EML1: variants seen among roughly 807,000 people sequenced by gnomAD.
EML1 encodes the protein EMAP like 1, also known as echinoderm microtubule-associated protein-like 1.
A neutral mutation model predicts 110.4 loss-of-function variants in EML1; 27 were observed. The ratio of observed to expected loss-of-function variants is 0.24; its 90% CI spans 0.18 to 0.34. The LOEUF (loss-of-function observed/expected upper bound fraction) is 0.34, where lower values mean the gene tolerates loss of function less well. EML1 is among the 10% of genes least tolerant of loss of function. The pLI, the probability that EML1 is intolerant of heterozygous loss-of-function variation, is 1.00. For missense variants in EML1, 741 were observed against 1,030.9 expected, an observed-to-expected ratio of 0.72 and a Z score of 3.85; for synonymous variants, 344 against 385.8, an observed-to-expected ratio of 0.89 and a Z score of 1.27.
At chr14:99,887,240 C>G (rs932824144) in intron 4 of EML1, among the ~76,000 whole-genome samples, 1 of 152,214 alleles carries the variant, frequency 6.6e-6, no homozygotes, top group South Asian at 2.1e-4. Context: ...CCATTCAGCT[C>G]AAGGGAGCAT....
intron 17 of EML1, among the ~76,000 whole-genome samples, chr14:99,924,664 T>C (rs547514657): frequency 3.9e-5 from 6 of 152,200 alleles, no homozygotes; most frequent in Admixed American, 6.5e-5. Context: ...CACTACATTT[T>C]ATTAAGTTTC....
chr14:99,831,849 T>TTTCGGA (rs2058461146), intron 1 of EML1, among the ~76,000 whole-genome samples: 1 of 115,290 alleles, frequency 8.7e-6, no homozygotes, highest in African/African-American at 4.1e-5. Context: ...AATGATGGGA[T>TTTCGGA]TTTTTTTTTT....
At chr14:99,895,746 C>T (rs963107246) in intron 6 of EML1, among the ~76,000 whole-genome samples, 14 of 127,456 alleles carry the variant, frequency 1.1e-4, no homozygotes, top group South Asian at 5.8e-4. Flanking sequence ...TGACATATCA[C>T]GTAGATATCA....
Position 99,878,524 on chromosome 14 carries a change from T to C in EML1, c.423T>C (p.Pro141=), listed in dbSNP as rs1352313212. Residue 141 remains proline (P), a synonymous_variant, in exon 4 of 22, where the codon CCT becomes CCC. Coordinates refer to ENST00000262233, the MANE Select transcript of EML1 (RefSeq NM_004434.3). The part of the protein sequence containing the change: ...KRTSSSERVS[P]GGRRESNGDS... ...CCAGCTCTTCTGAACGAGTGTCTCCTGGGGGTCGAAGGGAAAGCAATGGGG... is the reference window on the plus strand; with the variant it reads ...CCAGCTCTTCTGAACGAGTGTCTCCCGGGGGTCGAAGGGAAAGCAATGGGG... 5 of 1,613,950 alleles carry C rather than the reference T, an allele frequency of 3.1e-6. No homozygotes were observed. The South Asian group carries it at 3.3e-5, about 11-fold the overall frequency.
At chr14:99,847,930 GT>G (rs1352007478) in intron 1 of EML1, among the ~76,000 whole-genome samples, 8 of 151,468 alleles carry the variant, frequency 5.3e-5, no homozygotes, top group Non-Finnish European at 1.2e-4. Flanking sequence ...ATATAGTTGG[GT>G]TTTGCTTTTT....
intron 2 of EML1, among the ~76,000 whole-genome samples, chr14:99,858,340 A>G (rs776836860): frequency 2.0e-5 from 3 of 151,846 alleles, no homozygotes; most frequent in Non-Finnish European, 4.4e-5. Context: ...ATGCACCTCC[A>G]CGCCCAGCTA....
chr14:99,748,308 G>A (rs536182709), intron 1 of EML1, among the ~76,000 whole-genome samples: 39 of 152,334 alleles, frequency 2.6e-4, no homozygotes, highest in South Asian at 1.9e-3. Flanking sequence ...GCGGGAATAT[G>A]TGGGGTGAGT....
At chr14:99,889,786 T>C (rs956364444) in intron 4 of EML1, among the ~76,000 whole-genome samples, 1 of 152,232 alleles carries the variant, frequency 6.6e-6, no homozygotes, top group African/African-American at 2.4e-5. Flanking sequence ...TGTAGGCCAA[T>C]GTAAGACCCA....
intron 17 of EML1, among the ~76,000 whole-genome samples, chr14:99,928,560 G>A (rs955055256): frequency 6.6e-6 from 1 of 152,110 alleles, no homozygotes; most frequent in Non-Finnish European, 1.5e-5. Flanking sequence ...TGATTATGTT[G>A]TGGGAAATAC....
chr14:99,887,013 G>A (rs886605109), intron 4 of EML1, among the ~76,000 whole-genome samples: 4 of 152,218 alleles, frequency 2.6e-5, no homozygotes, highest in African/African-American at 2.4e-5. Context: ...GGTGTTGACC[G>A]CACTGGTGTC....
rs547832670 is a variant in EML1 at position 99,854,106 on chromosome 14, C to G, written c.250+3071C>G. 1.1e-4 allele frequency among the ~76,000 whole-genome samples: 16 copies of G among 152,310 alleles called. No individual in the cohort carries two copies. In the East Asian group the frequency reaches 3.1e-3, roughly 29 times the overall value. On this transcript the variant is annotated intron_variant, in intron 2 of 21. Coordinates refer to ENST00000262233, the MANE Select transcript of EML1 (RefSeq NM_004434.3). The stretch of plus-strand genomic sequence containing the variant: ...CCAATGCTGGGCGTGGCTGTGCCAC[C>G]AAGAAGCAGGCAGGTACTCACTGGG...
At chr14:99,934,093 C>G (rs911431051) in intron 17 of EML1, among the ~76,000 whole-genome samples, 7 of 151,802 alleles carry the variant, frequency 4.6e-5, no homozygotes, top group African/African-American at 1.7e-4. Flanking sequence ...GAAACTCCGT[C>G]TCAAAAAAAA....
At chr14:99,841,723 C>T (rs1595367479) in intron 1 of EML1, among the ~76,000 whole-genome samples, 1 of 152,264 alleles carries the variant, frequency 6.6e-6, no homozygotes, top group South Asian at 2.1e-4. Context: ...ATCAATGCCT[C>T]GCACCACTGG....
rs562666972 is a variant in EML1 at position 99,914,494 on chromosome 14, G to A, written c.1621-72G>A. 9.2e-5 allele frequency: 141 copies of A among 1,540,682 alleles called. 1 individual carries two copies. In the African/African-American group the frequency reaches 1.5e-3, roughly 16 times the overall value. The stretch of plus-strand genomic sequence containing the variant: ...TGAAGTCAGCATGAAGCCTCGGTTC[G>A]TCATCCCTTACGGCTCCTGAGTGCG... On this transcript the variant is annotated intron_variant, in intron 14 of 21. Coordinates refer to ENST00000262233, the MANE Select transcript of EML1 (RefSeq NM_004434.3).
At chr14:99,789,583 G>A (rs2057638727), upstream of EML1, among the ~76,000 whole-genome samples, 1 of 152,212 alleles carries the variant, frequency 6.6e-6, no homozygotes, top group Non-Finnish European at 1.5e-5. Context: ...GGAAAGCACT[G>A]TGTTCTATGT....
chr14:99,739,989 G>T (rs975237967), intron 1 of EML1, among the ~76,000 whole-genome samples: 4 of 152,162 alleles, frequency 2.6e-5, no homozygotes, highest in Non-Finnish European at 4.4e-5. Flanking sequence ...ACAATACTGG[G>T]ACATTAACTC....
rs1595372362 is a variant in EML1, at chr14:99,846,030, A to G, written c.68-4823A>G. On this transcript the variant is annotated intron_variant, in intron 1 of 21. Transcript: ENST00000262233. ...ACGCCACTGCACTCCAGCCTGGGCA[A>G]TAGAGCAAGACTCTGTCTCAAAAAA... Among the ~76,000 whole-genome samples, 6 of 149,478 alleles carry G rather than the reference A, an allele frequency of 4.0e-5. No individual in the cohort carries two copies. In the Middle Eastern group the frequency reaches 0.014, roughly 339 times the overall value.
chr14:99,887,670 G>A (rs2059504415), intron 4 of EML1, among the ~76,000 whole-genome samples: 1 of 152,108 alleles, frequency 6.6e-6, no homozygotes, highest in African/African-American at 2.4e-5. Context: ...CTTGAGAAGC[G>A]ATCATCTCCC....
chr14:99,876,125 A>G (rs2059286359), intron 3 of EML1, among the ~76,000 whole-genome samples: 1 of 140,942 alleles, frequency 7.1e-6, no homozygotes, highest in South Asian at 2.2e-4. Flanking sequence ...AGGAGGGTGT[A>G]TAGACAGAGG....
Sources: gnomAD v4.1 joint callset for allele counts (sites outside exome capture counted in the v4.1 genomes callset) on GRCh38, gnomAD v4.1.1 for gene constraint, MANE v1.5 for transcripts, NCBI Gene and HGNC (gene_info 2026-07-23, HGNC 2026-07-21) for gene names.